The following FERMT1 variants were observed in gnomAD, a reference collection of about 807,000 sequenced individuals.
FERMT1 encodes the protein fermitin family homolog 1.
Under a neutral mutation model 85.3 loss-of-function variants are expected in FERMT1, and 60 were observed. That is an observed-to-expected ratio of 0.70 (90% confidence interval 0.57 to 0.87). FERMT1 has a LOEUF of 0.87. FERMT1 is among the 40% of genes least tolerant of loss of function. FERMT1 has a pLI of 0.00. For missense variants in FERMT1, 701 were observed against 818.9 expected (o/e 0.86, Z 1.76); for synonymous variants, 275 against 301.1 (o/e 0.91, Z 0.90).
At chr20:6,114,959 G>C (rs1467621604) in intron 3 of FERMT1, among the ~76,000 whole-genome samples, 4 of 152,158 alleles carry the variant, frequency 2.6e-5, no homozygotes, top group African/African-American at 9.7e-5. Flanking sequence ...GCTCCAGGTG[G>C]CAGGGATTTT....
At chr20:6,114,793 C>T (rs1983053208) in intron 3 of FERMT1, among the ~76,000 whole-genome samples, 1 of 152,250 alleles carries the variant, frequency 6.6e-6, no homozygotes, top group African/African-American at 2.4e-5. Context: ...CCAACCCTGG[C>T]ATTCCCAATC....
rs147571188 is a variant in FERMT1, at chr20:6,119,605, T to C, written c.-18-33A>G. On this transcript the variant is annotated intron_variant, in intron 1 of 14. Transcript: ENST00000217289. ...ACAAAAAGGCAGACATAGATTGGAA[T>C]GTGGGAAGGAAACGGGACTTGTCAG... 4.8e-4 allele frequency: 769 copies of C among 1,587,972 alleles called. 2 individuals carry two copies. The African/African-American group carries it at 9.4e-3, about 19-fold the overall frequency.
chr20:6,101,409 G>A (rs1485478340), intron 6 of FERMT1, among the ~76,000 whole-genome samples: 1 of 152,078 alleles, frequency 6.6e-6, no homozygotes, highest in Non-Finnish European at 1.5e-5. Flanking sequence ...ATACTGACAT[G>A]AAAGATAGCC....
chr20:6,097,649 G>GGT lies in FERMT1; in HGVS notation c.850-20_850-19dup, dbSNP rs1568659261. ...GCATCATACTAGAGACAAAAACAGA[G>GGT]GTGTGTGTGTAATGAGGTATATTTA... On this transcript the variant is annotated intron_variant, in intron 6 of 14. Transcript: ENST00000217289. The GGT allele has an allele frequency of 6.6e-7, 1 of 1,514,046 alleles. No individual in the cohort carries two copies. Among genetic ancestry groups the GGT allele is most frequent in the Non-Finnish European group, 9.2e-7 (1 of 1,088,916 alleles). The allele number at this position is 1,514,046 out of a possible 1,614,324, so 93.8% of individuals were successfully genotyped here. A position where few individuals can be genotyped will look rare whatever the true frequency, so the allele number is the denominator to read the frequency against.
chr20:6,094,972 A>G lies in FERMT1; in HGVS notation c.1106T>C (p.Ile369Thr). The G allele has an allele frequency of 6.5e-7, 1 of 1,541,686 alleles. No individual in the cohort carries two copies. Among genetic ancestry groups the G allele is most frequent in the Non-Finnish European group, 9.0e-7 (1 of 1,113,986 alleles). The stretch of plus-strand genomic sequence containing the variant: ...TTTGAGATTATCTGCAAGTTTAGGG[A>G]TATCAGTAATGTCCTCCTAAGAAAA... ...ADSLLEDITDIPKLADNLKLF... is the reference protein window; with the variant it reads ...ADSLLEDITDTPKLADNLKLF... The change falls in exon 9 of 15, where the codon ATC (isoleucine) becomes ACC (threonine). Residue 369 changes from isoleucine (I) to threonine (T), a missense_variant. Transcript: ENST00000217289.
intron 5 of FERMT1, among the ~76,000 whole-genome samples, 166 bp from the exon 6 acceptor site, chr20:6,107,800 T>C (rs1316999000): frequency 6.6e-6 from 1 of 152,194 alleles, no homozygotes; most frequent in Non-Finnish European, 1.5e-5. Context: ...TTCTCCAAAA[T>C]CTGACACTTT....
chr20:6,093,982 G>C (rs1271383941), intron 9 of FERMT1: 1 of 152,176 alleles, frequency 6.6e-6, no homozygotes, highest in African/African-American at 2.4e-5. Context: ...GAAGAAAAAA[G>C]AATGACCCTA....
intron 6 of FERMT1, among the ~76,000 whole-genome samples, chr20:6,107,003 C>A (rs1057138971): frequency 5.9e-5 from 9 of 152,058 alleles, no homozygotes; most frequent in African/African-American, 2.2e-4. Context: ...CGAGACCAAC[C>A]TGGCCAATAT....
intron 9 of FERMT1, 151 bp downstream of exon 9, chr20:6,094,788 C>T (rs550252614): frequency 7.2e-5 from 48 of 662,848 alleles, no homozygotes; most frequent in Non-Finnish European, 1.1e-4. Context: ...GGTAGAGCTA[C>T]GACTCAACCC....
At chr20:6,081,333 G>A (rs1254949881) in intron 13 of FERMT1, among the ~76,000 whole-genome samples, 2 of 151,840 alleles carry the variant, frequency 1.3e-5, no homozygotes, top group African/African-American at 4.8e-5. Flanking sequence ...GGAAAGATGA[G>A]AAAGAACCAG....
chr20:6,107,102 AAAAG>A (rs927178028), intron 6 of FERMT1, among the ~76,000 whole-genome samples: 6 of 150,078 alleles, frequency 4.0e-5, no homozygotes, highest in African/African-American at 1.5e-4. Context: ...AGGCTGAGGC[AAAAG>A]AATCGCTTGA....
chr20:6,096,862 A>T (rs1982514391), intron 8 of FERMT1, 40 bp downstream of exon 8: 2 of 1,602,056 alleles, frequency 1.2e-6, no homozygotes, highest in African/African-American at 2.7e-5. Flanking sequence ...TGTCAATCAG[A>T]AGAAAGCCAC....
rs1982755855 is a variant in FERMT1 at position 6,104,811 on chromosome 20, C to T, written c.849+2721G>A. Among the ~76,000 whole-genome samples the T allele has an allele frequency of 6.6e-6, 1 of 152,190 alleles. No homozygotes were observed. Among genetic ancestry groups the T allele is most frequent in the Non-Finnish European group, 1.5e-5 (1 of 68,042 alleles). ...TTAGACAAATACATATTTAACCCTG[C>T]TCCTCTATATTTATACCAATGATCT... is the stretch of plus-strand genomic sequence containing the variant. On this transcript the variant is annotated intron_variant, in intron 6 of 14. Coordinates refer to ENST00000217289, the MANE Select transcript of FERMT1 (RefSeq NM_017671.5). The surrounding 1 kb of genome is among the most constrained non-coding windows in gnomAD (Gnocchi z 4.2).
chr20:6,112,647 A>G, intron 3 of FERMT1, 24 bp from the exon 4 acceptor site: 2 of 1,468,494 alleles, frequency 1.4e-6, no homozygotes, highest in South Asian at 2.6e-5. Flanking sequence ...TTTTTTAAAA[A>G]TGAAGAAAAA....
Position 6,085,084 on chromosome 20 carries a change from T to C in FERMT1, c.1575A>G (p.Lys525=), listed in dbSNP as rs2232073. 0.39 allele frequency: 621,158 copies of C among 1,611,858 alleles called. 123,102 individuals are homozygous for C. The highest frequency in any genetic ancestry group is 0.65 in the East Asian group (28,974 of 44,816). Residue 525 remains lysine, a synonymous_variant, in exon 12 of 15, where the codon AAA becomes AAG. Transcript: ENST00000217289. The stretch of plus-strand genomic sequence containing the variant: ...ACAGTACCTGTTTGGATTTGTGTCT[T>C]TTTGCACACCGTGGTGACACAAAAC... The part of the protein sequence containing the change: ...PECFVSPRCA[K]RHKSKQLAAR...
rs1056137 is a variant in FERMT1, at chr20:6,119,488, C to T, written c.67G>A (p.Glu23Lys). 1 of 1,614,202 alleles carries T rather than the reference C, an allele frequency of 6.2e-7. No individual in the cohort carries two copies. Among genetic ancestry groups the T allele is most frequent in the Non-Finnish European group, 8.5e-7 (1 of 1,180,028 alleles). The change falls in exon 2 of 15, where the codon GAA (glutamate) becomes AAA (lysine). Residue 23 changes from glutamate (E) to lysine (K), a missense_variant. Coordinates refer to ENST00000217289, the MANE Select transcript of FERMT1 (RefSeq NM_017671.5). ...ELVVRVDHPN[E>K]EQQKDVTLRV... Reference sequence around the variant, plus strand: ...AGTGTGACGTCTTTCTGCTGCTCTTCATTGGGATGGTCAACGCGGACCACA... The same window carrying T: ...AGTGTGACGTCTTTCTGCTGCTCTTTATTGGGATGGTCAACGCGGACCACA...
intron 10 of FERMT1, 102 bp from the exon 11 acceptor site, chr20:6,087,985 A>G (rs757817369): frequency 4.9e-5 from 37 of 762,238 alleles, no homozygotes; most frequent in South Asian, 2.4e-4. Context: ...AGCCCCTCAG[A>G]TTTGCTTTGG....
At position 6,122,786 on chromosome 20, in the gene FERMT1, A is replaced by C. The variant is rs1293905892; in HGVS notation, c.-31T>G. The C allele has an allele frequency of 6.6e-6, 1 of 152,352 alleles. No individual in the cohort carries two copies. The highest frequency in any genetic ancestry group is 1.5e-5 in the Non-Finnish European group (1 of 68,150). 9.4% of individuals were successfully genotyped at this position (152,352 alleles called of 1,614,324 possible). Reference sequence around the variant, plus strand: ...CCGGAGCACCCACCTCCTTTCCAGGAGCCCGTAGCGTCCAGCCTCGCAGTC... The same window carrying C: ...CCGGAGCACCCACCTCCTTTCCAGGCGCCCGTAGCGTCCAGCCTCGCAGTC... On this transcript the variant is annotated 5_prime_UTR_variant, in exon 1 of 15. Coordinates refer to ENST00000217289, the MANE Select transcript of FERMT1 (RefSeq NM_017671.5).
chr20:6,100,738 A>G (rs1324826060), intron 6 of FERMT1, among the ~76,000 whole-genome samples: 1 of 152,220 alleles, frequency 6.6e-6, no homozygotes, highest in African/African-American at 2.4e-5. Flanking sequence ...AGAGGCCTAA[A>G]AGTTGTGATG....
Sources: allele counts gnomAD v4.1 joint callset (sites outside exome capture counted in the v4.1 genomes callset), GRCh38; gene constraint gnomAD v4.1.1; non-coding constraint Gnocchi (gnomAD v3.1); transcripts MANE v1.5; gene names NCBI Gene and HGNC (gene_info 2026-07-23, HGNC 2026-07-21).